Variants in SOX6 observed in about 807,000 individuals in gnomAD.
SOX6 encodes SRY-box transcription factor 6.
In SOX6, 11 loss-of-function variants were observed where a neutral mutation model predicts 97.8. The observed-to-expected ratio is 0.11, with a 90% CI of 0.07 to 0.19. The LOEUF is 0.19. Ranked by LOEUF, SOX6 falls within the 10% of genes least tolerant of loss-of-function variation. SOX6 has a pLI of 1.00. For missense variants in SOX6, 810 were observed against 1,039.5 expected (o/e 0.78, Z 3.04); for synonymous variants, 360 against 371.4 (o/e 0.97, Z 0.35).
At chr11:16,378,605 C>T (rs1311925765) in intron 1 of SOX6, among the ~76,000 whole-genome samples, 2 of 151,628 alleles carry the variant, frequency 1.3e-5, no homozygotes, top group African/African-American at 4.8e-5. Flanking sequence ...TTGCATATCA[C>T]ACAACAAAAT....
upstream of SOX6, among the ~76,000 whole-genome samples, chr11:16,358,380 A>C (rs754505222): frequency 1.3e-5 from 2 of 152,152 alleles, no homozygotes; most frequent in Non-Finnish European, 2.9e-5. Flanking sequence ...GAAAATTCTC[A>C]ATTTTATTAT....
intron 4 of SOX6, among the ~76,000 whole-genome samples, chr11:16,212,850 G>A (rs1191173528): frequency 6.6e-6 from 1 of 152,120 alleles, no homozygotes; most frequent in South Asian, 2.1e-4. Context: ...TTTTGAGCAA[G>A]TTTGAATCTC....
intron 9 of SOX6, among the ~76,000 whole-genome samples, chr11:16,064,559 CAT>C (rs1196840757): frequency 1.3e-5 from 2 of 149,642 alleles, no homozygotes; most frequent in Non-Finnish European, 3.0e-5. Flanking sequence ...TATATGAAGC[CAT>C]ATATATATAT....
At chr11:16,678,015 AG>A (rs1847897805) in intron 3 of SOX6, among the ~76,000 whole-genome samples, 1 of 152,200 alleles carries the variant, frequency 6.6e-6, no homozygotes, top group Admixed American at 6.5e-5. Context: ...TAGTATCTGT[AG>A]AATATTCATG....
chr11:16,474,573 C>G (rs1372106785), intron 1 of SOX6, among the ~76,000 whole-genome samples: 1 of 152,136 alleles, frequency 6.6e-6, no homozygotes, highest in African/African-American at 2.4e-5. Context: ...AATAACATCT[C>G]TAAGGGAATC....
At chr11:16,689,424 T>C (rs896734647) in intron 3 of SOX6, among the ~76,000 whole-genome samples, 2 of 152,198 alleles carry the variant, frequency 1.3e-5, no homozygotes, top group African/African-American at 4.8e-5. Context: ...ATCTTGTTTA[T>C]TTCCAGAATT....
At chr11:16,260,414 C>A (rs1366766276) in intron 3 of SOX6, among the ~76,000 whole-genome samples, 1 of 151,928 alleles carries the variant, frequency 6.6e-6, no homozygotes, top group Non-Finnish European at 1.5e-5. Flanking sequence ...AAGTTACTTC[C>A]CCATTTGTTG....
Position 16,728,924 on chromosome 11 carries a change from C to A in SOX6, n.353+7415G>T, listed in dbSNP as rs1441315803. ...GAGCTGAAAAACAGCACGAAAACTT[C>A]ATGAAGCATACACAAGTATCAATGC... On this transcript the variant is annotated intron_variant and non_coding_transcript_variant, in intron 2 of 5. Coordinates refer to the SOX6 transcript ENST00000524520. 3.9e-5 allele frequency among the ~76,000 whole-genome samples: 6 copies of A among 152,160 alleles called. No homozygotes were observed. In the East Asian group the frequency reaches 1.2e-3, roughly 29 times the overall value.
intron 4 of SOX6, among the ~76,000 whole-genome samples, chr11:16,215,497 G>C (rs537055480): frequency 1.3e-5 from 2 of 152,280 alleles, no homozygotes; most frequent in Non-Finnish European, 2.9e-5. Flanking sequence ...AGTCTAGCCA[G>C]CATCCAGTTT....
intron 3 of SOX6, among the ~76,000 whole-genome samples, chr11:16,298,653 C>G (rs1855166418): frequency 6.6e-6 from 1 of 152,104 alleles, no homozygotes; most frequent in South Asian, 2.1e-4. Context: ...TATTCTAAAA[C>G]AGTCCTTCGA....
chr11:16,594,423 ATGCCTTTAAGGGTTGCAAGGTT>A (rs1342301134), intron 4 of SOX6, among the ~76,000 whole-genome samples: 2 of 152,182 alleles, frequency 1.3e-5, no homozygotes, highest in African/African-American at 4.8e-5. Context: ...TTCTTTAAAA[ATGCCTTTAAGGGTTGCAAGGTT>A]ACAATCCTTT....
chr11:16,363,705 AT>A (rs1160785732), intron 1 of SOX6, among the ~76,000 whole-genome samples: 4 of 152,140 alleles, frequency 2.6e-5, no homozygotes, highest in Non-Finnish European at 5.9e-5. Context: ...TAGTCTCTGC[AT>A]CTTTGCTTAT....
intron 3 of SOX6, among the ~76,000 whole-genome samples, chr11:16,307,834 G>A (rs1358064068): frequency 1.3e-5 from 2 of 151,834 alleles, no homozygotes; most frequent in Admixed American, 1.3e-4. Context: ...TTTTTTTCTA[G>A]CCACCTATTT....
intron 1 of SOX6, among the ~76,000 whole-genome samples, chr11:16,451,679 C>G (rs1859717305): frequency 6.6e-6 from 1 of 152,104 alleles, no homozygotes; most frequent in Non-Finnish European, 1.5e-5. Flanking sequence ...TCAGCTGCAC[C>G]TGCTGAAGCA....
At chr11:16,234,125 C>T (rs1852944515) in intron 4 of SOX6, among the ~76,000 whole-genome samples, 1 of 152,010 alleles carries the variant, frequency 6.6e-6, no homozygotes, top group African/African-American at 2.4e-5. Context: ...AAACAAGCTT[C>T]AGAATCCCCC....
chr11:16,707,320 A>G (rs1848145262), intron 3 of SOX6, among the ~76,000 whole-genome samples: 1 of 152,068 alleles, frequency 6.6e-6, no homozygotes, highest in African/African-American at 2.4e-5. Flanking sequence ...AAAATAACAA[A>G]CTTAATGAGG....
chr11:16,501,075 G>C (rs964687897), intron 4 of SOX6, among the ~76,000 whole-genome samples: 6 of 152,200 alleles, frequency 3.9e-5, no homozygotes, highest in Non-Finnish European at 8.8e-5. Flanking sequence ...CAAGGCTACA[G>C]TAACCAAAAC....
At chr11:16,200,344 T>C (rs981225147) in intron 4 of SOX6, among the ~76,000 whole-genome samples, 6 of 152,218 alleles carry the variant, frequency 3.9e-5, no homozygotes, top group Admixed American at 6.5e-5. Context: ...AAGAAATTTA[T>C]AGGCATATTG....
chr11:16,248,722 C>T (rs891054090), intron 3 of SOX6, among the ~76,000 whole-genome samples: 1 of 152,200 alleles, frequency 6.6e-6, no homozygotes, highest in African/African-American at 2.4e-5. Flanking sequence ...CCCTCCTAGG[C>T]CTTTTGGCCT....
Sources: gnomAD v4.1 joint callset for allele counts (sites outside exome capture counted in the v4.1 genomes callset) on GRCh38, gnomAD v4.1.1 for gene constraint, MANE v1.5 for transcripts, NCBI Gene and HGNC (gene_info 2026-07-23, HGNC 2026-07-21) for gene names.